Variants in UBAC2 observed in about 807,000 individuals in gnomAD.
UBAC2 encodes the protein UBA domain containing 2, also known as ubiquitin-associated domain-containing protein 2.
Under a neutral mutation model 44.0 loss-of-function variants are expected in UBAC2, and 26 were observed. The observed-to-expected ratio is 0.59, with a 90% CI of 0.43 to 0.82. The LOEUF (loss-of-function observed/expected upper bound fraction) is 0.82, where lower values mean the gene tolerates loss of function less well. UBAC2 is among the 40% of genes least tolerant of loss of function. The pLI, the probability that UBAC2 is intolerant of heterozygous loss-of-function variation, is 0.00. For synonymous variants in UBAC2, 155 were observed against 154.3 expected, an observed-to-expected ratio of 1.00 and a Z score of -0.04; for missense variants, 329 against 419.4, an observed-to-expected ratio of 0.78 and a Z score of 1.88.
intron 6 of UBAC2, among the ~76,000 whole-genome samples, chr13:99,335,452 G>C (rs927989): frequency 0.58 from 87,584 of 151,164 alleles, 26,971 homozygotes; most frequent in Non-Finnish European, 0.71. Context: ...GAATGCCTCT[G>C]CCTACCCCCT....
At chr13:99,334,031 T>C (rs2044753027) in intron 6 of UBAC2, among the ~76,000 whole-genome samples, 4 of 152,186 alleles carry the variant, frequency 2.6e-5, no homozygotes, top group Admixed American at 2.0e-4. Flanking sequence ...CACTACAACC[T>C]CGAATTCTTG....
At chr13:99,324,331 G>A (rs996152153) in intron 6 of UBAC2, among the ~76,000 whole-genome samples, 2 of 152,138 alleles carry the variant, frequency 1.3e-5, no homozygotes, top group Non-Finnish European at 2.9e-5. Context: ...AATATGAACA[G>A]CAGTGACAAA....
chr13:99,338,450 A>G (rs1303850666), intron 6 of UBAC2, among the ~76,000 whole-genome samples: 2 of 152,170 alleles, frequency 1.3e-5, no homozygotes, highest in Non-Finnish European at 2.9e-5. Context: ...AGGTTGAACA[A>G]GCTTGCTCTA....
chr13:99,219,013 TGA>T (rs1019890878), intron 1 of UBAC2, among the ~76,000 whole-genome samples: 4 of 152,232 alleles, frequency 2.6e-5, no homozygotes, highest in African/African-American at 9.7e-5. Context: ...AAAAACTTTA[TGA>T]GAAAGTTACT....
intron 4 of UBAC2, among the ~76,000 whole-genome samples, chr13:99,261,262 C>T (rs921461075): frequency 6.6e-6 from 1 of 152,218 alleles, no homozygotes; most frequent in African/African-American, 2.4e-5. Flanking sequence ...ACAAAGAGTC[C>T]TCTGAACTAG....
chr13:99,377,989 G>A (rs940412263), intron 8 of UBAC2, among the ~76,000 whole-genome samples: 3 of 152,180 alleles, frequency 2.0e-5, no homozygotes, highest in African/African-American at 7.2e-5. Context: ...TTTATTTCAC[G>A]GAAGCATGAA....
intron 8 of UBAC2, among the ~76,000 whole-genome samples, chr13:99,369,950 G>T (rs2045383392): frequency 6.6e-6 from 1 of 152,126 alleles, no homozygotes; most frequent in African/African-American, 2.4e-5. Flanking sequence ...TCAAAAATAC[G>T]ATGTTCCAGA....
chr13:99,340,345 A>G lies in UBAC2; in HGVS notation c.587A>G (p.Lys196Arg). ...GLMSGLCYDS[K>R]MFQVHQVLCI... Reference sequence around the variant, plus strand: ...ATGTCCGGTCTGTGCTACGACAGCAAAATGTTCCAGGTGCATCAGGTGCTC... The same window carrying G: ...ATGTCCGGTCTGTGCTACGACAGCAGAATGTTCCAGGTGCATCAGGTGCTC... The change falls in exon 7 of 9, where the codon AAA (lysine) becomes AGA (arginine). Residue 196 changes from lysine to arginine, a missense_variant. Lys to Arg is a conservative substitution (Grantham distance 26). Coordinates refer to ENST00000403766, the MANE Select transcript of UBAC2 (RefSeq NM_001144072.2). 2 of 1,614,244 alleles carry G rather than the reference A, an allele frequency of 1.2e-6. No homozygotes were observed. Among genetic ancestry groups the G allele is most frequent in the Non-Finnish European group, 1.7e-6 (2 of 1,180,042 alleles).
At chr13:99,212,622 A>G (rs533939189) in intron 1 of UBAC2, among the ~76,000 whole-genome samples, 1 of 152,354 alleles carries the variant, frequency 6.6e-6, no homozygotes, top group Non-Finnish European at 1.5e-5. Context: ...GTTTGACTTT[A>G]TTAACTCTGT....
At chr13:99,204,966 T>C (rs1265980226) in intron 1 of UBAC2, among the ~76,000 whole-genome samples, 1 of 141,166 alleles carries the variant, frequency 7.1e-6, no homozygotes, top group Non-Finnish European at 1.5e-5. Flanking sequence ...TGCAGCGGTG[T>C]GATCTCAGCT....
At chr13:99,232,766 A>G (rs796430489) in intron 1 of UBAC2, among the ~76,000 whole-genome samples, 1 of 151,944 alleles carries the variant, frequency 6.6e-6, no homozygotes, top group African/African-American at 2.4e-5. Flanking sequence ...TACACACACA[A>G]AAAAACAAAA....
At chr13:99,298,331 A>G (rs189586406) in intron 4 of UBAC2, among the ~76,000 whole-genome samples, 3 of 152,316 alleles carry the variant, frequency 2.0e-5, no homozygotes, top group South Asian at 2.1e-4. Flanking sequence ...GTGCAGCTAA[A>G]TTATAAACCA....
At chr13:99,289,934 C>T (rs1271546863) in intron 4 of UBAC2, among the ~76,000 whole-genome samples, 1 of 152,184 alleles carries the variant, frequency 6.6e-6, no homozygotes, top group South Asian at 2.1e-4. Flanking sequence ...GAGGTAGTCA[C>T]CTGCTCTTCC....
At chr13:99,269,840 G>T (rs2043794406) in intron 4 of UBAC2, among the ~76,000 whole-genome samples, 1 of 152,142 alleles carries the variant, frequency 6.6e-6, no homozygotes, top group Non-Finnish European at 1.5e-5. Flanking sequence ...GTGTTACATA[G>T]AACTTGATAA....
At chr13:99,205,734 A>C (rs968697209) in intron 1 of UBAC2, 4 of 160,138 alleles carry the variant, frequency 2.5e-5, no homozygotes, top group African/African-American at 9.6e-5. Context: ...TGGCTGTGAC[A>C]TCTGTCACCC....
intron 1 of UBAC2, among the ~76,000 whole-genome samples, chr13:99,237,786 C>A (rs766799920): frequency 6.6e-6 from 1 of 152,182 alleles, no homozygotes; most frequent in Non-Finnish European, 1.5e-5. Flanking sequence ...GAAACATGGT[C>A]TCTACTAAGA....
At chr13:99,243,200 T>G (rs2043340130) in intron 2 of UBAC2, among the ~76,000 whole-genome samples, 1 of 151,340 alleles carries the variant, frequency 6.6e-6, no homozygotes. Context: ...GAAAAATGTT[T>G]AAGCAGACTC....
At chr13:99,239,653 C>G (rs1212227846) in intron 2 of UBAC2, among the ~76,000 whole-genome samples, 2 of 152,322 alleles carry the variant, frequency 1.3e-5, no homozygotes, top group East Asian at 1.9e-4. Context: ...ACTCTGTGGG[C>G]ATCTGTGCTT....
At chr13:99,340,778 A>G (rs1483645112) in intron 7 of UBAC2, among the ~76,000 whole-genome samples, 1 of 152,224 alleles carries the variant, frequency 6.6e-6, no homozygotes, top group Non-Finnish European at 1.5e-5. Flanking sequence ...AGATTGGTCA[A>G]ACTGGACATT....
Sources: gnomAD v4.1 joint callset for allele counts (sites outside exome capture counted in the v4.1 genomes callset) on GRCh38, gnomAD v4.1.1 for gene constraint, MANE v1.5 for transcripts, NCBI Gene and HGNC (gene_info 2026-07-23, HGNC 2026-07-21) for gene names.